Variants in BMERB1 observed in about 807,000 individuals in gnomAD.
BMERB1 encodes bMERB domain-containing protein 1.
Under a neutral mutation model 23.6 loss-of-function variants are expected in BMERB1, and 12 were observed. That is an observed-to-expected ratio of 0.51 (90% CI 0.33 to 0.82). The LOEUF is 0.82. BMERB1 is among the 40% of genes least tolerant of loss of function. The probability of loss-of-function intolerance (pLI) is 0.03; values close to 1 mark genes in which losing one functional copy is unlikely to be tolerated. For missense variants in BMERB1, 247 were observed against 255.4 expected (o/e 0.97, Z 0.22); for synonymous variants, 122 against 96.6 (o/e 1.26, Z -1.54).
chr16:15,500,146 CCTT>C (rs2051514365), intron 1 of BMERB1, among the ~76,000 whole-genome samples: 1 of 152,140 alleles, frequency 6.6e-6, no homozygotes, highest in South Asian at 2.1e-4. Context: ...ATACCTGTGT[CCTT>C]CTCCCCACCT....
chr16:15,485,486 G>A (rs1326241979), intron 1 of BMERB1, among the ~76,000 whole-genome samples: 2 of 143,356 alleles, frequency 1.4e-5, no homozygotes, highest in Admixed American at 7.4e-5. Flanking sequence ...CATCTCGCTT[G>A]TGTAATTTCT....
chr16:15,457,317 G>A lies in BMERB1; in HGVS notation c.106+22558G>A, dbSNP rs116394941. 3.3e-3 allele frequency among the ~76,000 whole-genome samples: 507 copies of A among 152,290 alleles called. 1 individual carries two copies. The highest frequency in any genetic ancestry group is 0.011 in the African/African-American group (474 of 41,556). On this transcript the variant is annotated intron_variant, in intron 1 of 5. Coordinates refer to ENST00000300006, the MANE Select transcript of BMERB1 (RefSeq NM_033201.3). ...TACTGTGGAAAAAGTAGCAGAGTAG[G>A]AGTTAGAATACTTTGGTTCTAGAGC... is the stretch of plus-strand genomic sequence containing the variant.
intron 1 of BMERB1, among the ~76,000 whole-genome samples, chr16:15,472,860 CTTTT>C (rs34677062): frequency 1.5e-5 from 2 of 133,846 alleles, no homozygotes; most frequent in African/African-American, 2.8e-5. Context: ...AGGATTCCAT[CTTTT>C]TTTTTTTTTT....
At chr16:15,566,279 A>G (rs1251176447) in intron 2 of BMERB1, among the ~76,000 whole-genome samples, 1 of 152,218 alleles carries the variant, frequency 6.6e-6, no homozygotes, top group Non-Finnish European at 1.5e-5. Context: ...AATTACTGAG[A>G]TGACAGGAGC....
intron 1 of BMERB1, among the ~76,000 whole-genome samples, chr16:15,469,552 C>T (rs1344709906): frequency 6.6e-6 from 1 of 152,138 alleles, no homozygotes; most frequent in Non-Finnish European, 1.5e-5. Flanking sequence ...ATAGGAATAG[C>T]ATTAAACCTA....
chr16:15,536,252 G>C (rs1202539313), intron 2 of BMERB1, among the ~76,000 whole-genome samples: 1 of 152,078 alleles, frequency 6.6e-6, no homozygotes, highest in Non-Finnish European at 1.5e-5. Flanking sequence ...ACCCTCCCCT[G>C]TGTCCCTTGC....
At chr16:15,514,361 C>T (rs933454697) in intron 1 of BMERB1, among the ~76,000 whole-genome samples, 6 of 152,130 alleles carry the variant, frequency 3.9e-5, no homozygotes, top group Non-Finnish European at 7.3e-5. Flanking sequence ...GTCGGCTGGT[C>T]TTAGAGGCTT....
At chr16:15,571,772 G>A (rs181323727) in intron 3 of BMERB1, among the ~76,000 whole-genome samples, 47 of 152,004 alleles carry the variant, frequency 3.1e-4, no homozygotes, top group Non-Finnish European at 5.9e-4. Flanking sequence ...AACAGGTAGG[G>A]GACTAAGACA....
At chr16:15,458,733 AAGT>A (rs2051109512) in intron 1 of BMERB1, among the ~76,000 whole-genome samples, 1 of 151,768 alleles carries the variant, frequency 6.6e-6, no homozygotes, top group South Asian at 2.1e-4. Flanking sequence ...AAAAAAAAAA[AAGT>A]AGAAGTTTAT....
At chr16:15,534,007 G>T (rs949516528) in intron 2 of BMERB1, among the ~76,000 whole-genome samples, 1 of 152,022 alleles carries the variant, frequency 6.6e-6, no homozygotes, top group Non-Finnish European at 1.5e-5. Flanking sequence ...TTGGTTCCTT[G>T]AGTCCTGTAC....
At chr16:15,517,943 G>A (rs935444133) in intron 2 of BMERB1, among the ~76,000 whole-genome samples, 2 of 150,700 alleles carry the variant, frequency 1.3e-5, no homozygotes, top group Non-Finnish European at 3.0e-5. Context: ...GTGCATGTGT[G>A]GGTGTGTGTG....
At chr16:15,501,540 T>C (rs2051530410) in intron 1 of BMERB1, among the ~76,000 whole-genome samples, 1 of 152,160 alleles carries the variant, frequency 6.6e-6, no homozygotes, top group South Asian at 2.1e-4. Flanking sequence ...AGTGGCACGA[T>C]CTCGGCTCAC....
intron 2 of BMERB1, among the ~76,000 whole-genome samples, chr16:15,552,807 T>C (rs2030133375): frequency 6.6e-6 from 1 of 152,236 alleles, no homozygotes; most frequent in African/African-American, 2.4e-5. Context: ...AGTCAGTGAA[T>C]TGGTGAACAG....
chr16:15,442,115 G>C (rs982545389), intron 1 of BMERB1, among the ~76,000 whole-genome samples: 6 of 152,054 alleles, frequency 3.9e-5, no homozygotes, highest in Admixed American at 3.9e-4. Context: ...TGGATCACCT[G>C]AGGTGAGGAG....
At chr16:15,456,756 A>T (rs1262402762) in intron 1 of BMERB1, among the ~76,000 whole-genome samples, 2 of 152,156 alleles carry the variant, frequency 1.3e-5, no homozygotes, top group Admixed American at 1.3e-4. Context: ...GTGATTTAAC[A>T]ATTTGATAAA....
chr16:15,435,046 C>A (rs2050876218), intron 1 of BMERB1, among the ~76,000 whole-genome samples: 2 of 152,256 alleles, frequency 1.3e-5, no homozygotes. Flanking sequence ...CGTCAGCTCG[C>A]AGCTGGTCCT....
At chr16:15,549,656 C>T (rs917272476) in intron 2 of BMERB1, among the ~76,000 whole-genome samples, 2 of 149,462 alleles carry the variant, frequency 1.3e-5, no homozygotes, top group South Asian at 2.1e-4. Context: ...TCCATCCTGG[C>T]GACAGAGTGA....
intron 1 of BMERB1, among the ~76,000 whole-genome samples, chr16:15,474,009 C>G (rs970911830): frequency 6.6e-6 from 1 of 151,720 alleles, no homozygotes; most frequent in East Asian, 2.0e-4. Flanking sequence ...AGTCCCAGCT[C>G]CTCGGGAGGC....
intron 3 of BMERB1, among the ~76,000 whole-genome samples, chr16:15,577,512 A>G (rs1157266481): frequency 6.6e-6 from 1 of 152,230 alleles, no homozygotes; most frequent in East Asian, 1.9e-4. Flanking sequence ...GAGAAGGAGC[A>G]AAAGTTTATT....
Sources: gnomAD v4.1 joint callset for allele counts (sites outside exome capture counted in the v4.1 genomes callset) on GRCh38, gnomAD v4.1.1 for gene constraint, MANE v1.5 for transcripts, NCBI Gene and HGNC (gene_info 2026-07-23, HGNC 2026-07-21) for gene names.